The following GFPT1 variants were observed in gnomAD, a reference collection of about 807,000 sequenced individuals.
The protein encoded by GFPT1 is glutamine--fructose-6-phosphate aminotransferase [isomerizing] 1.
GFPT1 carries 40 observed loss-of-function variants against 92.0 expected under a neutral mutation model. The observed-to-expected ratio is 0.43, with a 90% CI of 0.34 to 0.57. The LOEUF (loss-of-function observed/expected upper bound fraction) is 0.57. GFPT1 is among the 20% of genes least tolerant of loss of function. GFPT1 has a pLI of 0.02. For missense variants in GFPT1, 448 were observed against 869.1 expected (o/e 0.52, Z 6.09); for synonymous variants, 269 against 280.6 (o/e 0.96, Z 0.41).
intron 9 of GFPT1, among the ~76,000 whole-genome samples, chr2:69,352,434 G>A (rs933103428): frequency 6.6e-6 from 1 of 151,466 alleles, no homozygotes; most frequent in Non-Finnish European, 1.5e-5. Flanking sequence ...GCAACAGCCT[G>A]AAACCCCGTC....
intron 1 of GFPT1, among the ~76,000 whole-genome samples, chr2:69,378,944 C>T (rs78589164): frequency 2.6e-5 from 4 of 152,022 alleles, no homozygotes; most frequent in Non-Finnish European, 5.9e-5. Context: ...TAATTCATCA[C>T]CATCATTAAA....
rs1455442630 is a variant in GFPT1 at position 69,320,558 on chromosome 2, C to A, written c.*5631G>T. ...ATCCCAGCACTTTGGGAGGCCAAGGCGGGCAGATCACTTAAGGTCAGGAGT... is the reference window on the plus strand; with the variant it reads ...ATCCCAGCACTTTGGGAGGCCAAGGAGGGCAGATCACTTAAGGTCAGGAGT... On this transcript the variant is annotated 3_prime_UTR_variant, in exon 20 of 20. Coordinates refer to ENST00000357308, the MANE Select transcript of GFPT1 (RefSeq NM_001244710.2). The A allele has an allele frequency of 6.6e-6, 1 of 152,328 alleles. No homozygotes were observed. Among genetic ancestry groups the A allele is most frequent in the African/African-American group, 2.4e-5 (1 of 41,438 alleles). 9.4% of individuals were successfully genotyped at this position (152,328 alleles called of 1,614,324 possible).
At chr2:69,353,458 T>C (rs1308122133) in intron 9 of GFPT1, among the ~76,000 whole-genome samples, 2 of 152,044 alleles carry the variant, frequency 1.3e-5, no homozygotes, top group African/African-American at 4.8e-5. Flanking sequence ...CACTTGAGCC[T>C]AGGCAGCCAA....
At chr2:69,363,454 T>C in intron 4 of GFPT1, 91 bp downstream of exon 4, 2 of 1,339,442 alleles carry the variant, frequency 1.5e-6, no homozygotes, top group Admixed American at 3.6e-5. Context: ...AGATGAAAAA[T>C]TATTAAAATA....
At chr2:69,361,389 A>C (rs1671468151) in intron 4 of GFPT1, among the ~76,000 whole-genome samples, 1 of 147,088 alleles carries the variant, frequency 6.8e-6, no homozygotes, top group Admixed American at 6.9e-5. Context: ...CAGAGGTTGC[A>C]GTGAGCGGAA....
chr2:69,378,283 G>C (rs557719058), intron 1 of GFPT1, among the ~76,000 whole-genome samples: 17 of 152,318 alleles, frequency 1.1e-4, no homozygotes, highest in Admixed American at 4.6e-4. Flanking sequence ...TAGGATTACA[G>C]GCATAAGCCA....
chr2:69,373,776 G>C (rs894568212), intron 2 of GFPT1, among the ~76,000 whole-genome samples: 1 of 152,066 alleles, frequency 6.6e-6, no homozygotes, highest in Admixed American at 6.6e-5. Flanking sequence ...CCCATATGAT[G>C]TTTTTACAAT....
chr2:69,362,566 G>C (rs1242830770), intron 4 of GFPT1, among the ~76,000 whole-genome samples: 1 of 152,098 alleles, frequency 6.6e-6, no homozygotes, highest in Non-Finnish European at 1.5e-5. Flanking sequence ...AGGAGGCTGA[G>C]GTGGGCGGAT....
At chr2:69,375,252 TA>T (rs66501937) in intron 1 of GFPT1, among the ~76,000 whole-genome samples, 58,150 of 152,092 alleles carry the variant, frequency 0.38, 11,412 homozygotes, top group Middle Eastern at 0.44. Flanking sequence ...CTGCTTATTT[TA>T]AAACTTCCTT....
chr2:69,339,095 T>A (rs1406189141), intron 13 of GFPT1, among the ~76,000 whole-genome samples: 2 of 152,194 alleles, frequency 1.3e-5, no homozygotes, highest in African/African-American at 4.8e-5. Flanking sequence ...CATACATTCT[T>A]ATAAGGAAAC....
chr2:69,376,915 T>A (rs891885309), intron 1 of GFPT1, among the ~76,000 whole-genome samples: 2 of 152,172 alleles, frequency 1.3e-5, no homozygotes, highest in Admixed American at 1.3e-4. Context: ...TACTTTTTTT[T>A]AAAGATTAAT....
At chr2:69,370,606 C>T (rs1671722644) in intron 2 of GFPT1, among the ~76,000 whole-genome samples, 1 of 152,014 alleles carries the variant, frequency 6.6e-6, no homozygotes, top group African/African-American at 2.4e-5. Context: ...CTTCTAGAAA[C>T]AAGTGTAGGG....
chr2:69,341,493 T>C (rs545132979), intron 13 of GFPT1, among the ~76,000 whole-genome samples: 1 of 152,198 alleles, frequency 6.6e-6, no homozygotes, highest in South Asian at 2.1e-4. Context: ...TGGAAGTCAA[T>C]CCTAAAAGCA....
intron 1 of GFPT1, among the ~76,000 whole-genome samples, chr2:69,377,751 G>A (rs1671911944): frequency 6.6e-6 from 1 of 152,314 alleles, no homozygotes; most frequent in East Asian, 1.9e-4. Context: ...GAAAATGGGA[G>A]CTAAGAAGTT....
At chr2:69,347,556 A>G (rs1266762553) in intron 11 of GFPT1, among the ~76,000 whole-genome samples, 1 of 149,600 alleles carries the variant, frequency 6.7e-6, no homozygotes, top group Non-Finnish European at 1.5e-5. Context: ...CGGCTCACTG[A>G]AACCTCTGCC....
At chr2:69,341,341 G>A (rs1032482702) in intron 13 of GFPT1, among the ~76,000 whole-genome samples, 1 of 152,044 alleles carries the variant, frequency 6.6e-6, no homozygotes, top group African/African-American at 2.4e-5. Context: ...GAGGGGAGGA[G>A]GTATTTGGTG....
At chr2:69,329,512 T>C (rs1670608703) in intron 16 of GFPT1, 88 bp from the exon 17 acceptor site, 2 of 1,088,018 alleles carry the variant, frequency 1.8e-6, no homozygotes, top group African/African-American at 1.6e-5. Flanking sequence ...GACCAGTGTT[T>C]CTATTCCTCT....
At chr2:69,366,830 C>T (rs1286748560) in intron 3 of GFPT1, among the ~76,000 whole-genome samples, 1 of 152,176 alleles carries the variant, frequency 6.6e-6, no homozygotes. Context: ...TCCTCATTTG[C>T]ATCTTCTATC....
intron 19 of GFPT1, among the ~76,000 whole-genome samples, chr2:69,326,685 A>G (rs1670539915): frequency 6.6e-6 from 1 of 152,232 alleles, no homozygotes; most frequent in South Asian, 2.1e-4. Context: ...GGTGGAGACT[A>G]CCCAAGGTGA....
Sources: gnomAD v4.1 joint callset for allele counts (sites outside exome capture counted in the v4.1 genomes callset) on GRCh38, gnomAD v4.1.1 for gene constraint, MANE v1.5 for transcripts, NCBI Gene and HGNC (gene_info 2026-07-23, HGNC 2026-07-21) for gene names.